AFG2A: variants seen among roughly 807,000 people sequenced by gnomAD.
AFG2A encodes AAA ATPase AFG2A.
the AFG2A span, among the ~76,000 whole-genome samples, chr4:123,093,600 C>G: frequency 5.3e-5 from 8 of 152,290 alleles, no homozygotes; most frequent in Non-Finnish European, 1.0e-4. Context: ...TTGTTGGTCT[C>G]CTACCTTATT....
the AFG2A span, among the ~76,000 whole-genome samples, chr4:122,963,901 C>T: frequency 6.6e-6 from 1 of 152,152 alleles, no homozygotes; most frequent in African/African-American, 2.4e-5. Flanking sequence ...CTCCCTGTCT[C>T]CAGTAAAAAC....
chr4:122,963,687 G>A, the AFG2A span, among the ~76,000 whole-genome samples: 2 of 152,186 alleles, frequency 1.3e-5, no homozygotes, highest in Non-Finnish European at 2.9e-5. Flanking sequence ...TGGGAGTGTG[G>A]AAGAGAGACA....
the AFG2A span, among the ~76,000 whole-genome samples, chr4:123,229,595 G>T: frequency 2.8e-3 from 431 of 152,068 alleles, 2 homozygotes; most frequent in Non-Finnish European, 4.7e-3. Context: ...AGTGGACAAA[G>T]CTACTTACAT....
the AFG2A span, chr4:122,928,983 T>C: frequency 3.2e-6 from 5 of 1,566,402 alleles, no homozygotes; most frequent in African/African-American, 5.5e-5. Flanking sequence ...ACCTTATAAA[T>C]TGATGGTATT....
At chr4:123,230,249 A>G in the AFG2A span, among the ~76,000 whole-genome samples, 14 of 151,974 alleles carry the variant, frequency 9.2e-5, no homozygotes, top group Admixed American at 2.0e-4. Flanking sequence ...ACTGGAGTCA[A>G]TTCTCTCTGC....
At chr4:122,962,018 G>C in the AFG2A span, among the ~76,000 whole-genome samples, 1 of 152,210 alleles carries the variant, frequency 6.6e-6, no homozygotes, top group Non-Finnish European at 1.5e-5. Flanking sequence ...GATGATATCC[G>C]GATGAAACTG....
the AFG2A span, among the ~76,000 whole-genome samples, chr4:123,287,422 T>C: frequency 2.0e-5 from 3 of 152,194 alleles, no homozygotes; most frequent in Non-Finnish European, 4.4e-5. Context: ...TTTTTAGTTC[T>C]TGATAAATGT....
At chr4:123,031,255 G>A in the AFG2A span, among the ~76,000 whole-genome samples, 308 of 152,206 alleles carry the variant, frequency 2.0e-3, 10 homozygotes, top group East Asian at 0.056. Flanking sequence ...AGGTTCAAGA[G>A]ATTCTTGTGC....
the AFG2A span, among the ~76,000 whole-genome samples, chr4:122,978,948 G>A: frequency 6.6e-6 from 1 of 152,204 alleles, no homozygotes; most frequent in Non-Finnish European, 1.5e-5. Flanking sequence ...GGTGCTTCCT[G>A]GGTTCTCGAG....
chr4:122,999,707 G>A, the AFG2A span, among the ~76,000 whole-genome samples: 2 of 152,140 alleles, frequency 1.3e-5, no homozygotes. Context: ...TTTGGTTACT[G>A]TAGCCTTGTA....
chr4:123,256,035 GAATTGATAGA>G, the AFG2A span: 1 of 1,614,088 alleles, frequency 6.2e-7, no homozygotes, highest in Non-Finnish European at 8.5e-7. Context: ...CGGCCTGGAA[GAATTGATAGA>G]ATCATCTATG....
At chr4:123,071,154 C>G in the AFG2A span, among the ~76,000 whole-genome samples, 1 of 152,126 alleles carries the variant, frequency 6.6e-6, no homozygotes, top group African/African-American at 2.4e-5. Context: ...TTGCTTTTGT[C>G]AGGTGGTAAA....
At chr4:122,998,749 G>A in the AFG2A span, among the ~76,000 whole-genome samples, 1 of 152,162 alleles carries the variant, frequency 6.6e-6, no homozygotes, top group African/African-American at 2.4e-5. Flanking sequence ...CTTTGCTATT[G>A]TGAATAGTGC....
At chr4:123,118,223 CTT>C in the AFG2A span, among the ~76,000 whole-genome samples, 6 of 139,298 alleles carry the variant, frequency 4.3e-5, no homozygotes, top group East Asian at 8.2e-4. Flanking sequence ...TTATTAGTCT[CTT>C]GTTTCTTCTT....
At chr4:122,945,312 C>A in the AFG2A span, among the ~76,000 whole-genome samples, 1 of 152,216 alleles carries the variant, frequency 6.6e-6, no homozygotes, top group African/African-American at 2.4e-5. Context: ...TTCCGGGCTG[C>A]GGCTGCTTTG....
chr4:123,245,949 C>G, the AFG2A span, among the ~76,000 whole-genome samples: 6 of 152,178 alleles, frequency 3.9e-5, no homozygotes, highest in Admixed American at 1.3e-4. Context: ...TGAAGCCTAG[C>G]TAAGCACTAA....
At chr4:122,979,404 C>T in the AFG2A span, 6 of 1,612,358 alleles carry the variant, frequency 3.7e-6, no homozygotes, top group Non-Finnish European at 8.5e-7. Flanking sequence ...ATTTATGTCC[C>T]ACACTAGCTA....
the AFG2A span, among the ~76,000 whole-genome samples, chr4:123,297,454 G>C: frequency 6.6e-6 from 1 of 152,132 alleles, no homozygotes; most frequent in Non-Finnish European, 1.5e-5. Context: ...GGGTGTGGTG[G>C]CTCATGCCTG....
At chr4:123,235,893 T>C in the AFG2A span, among the ~76,000 whole-genome samples, 2 of 152,240 alleles carry the variant, frequency 1.3e-5, no homozygotes, top group Admixed American at 1.3e-4. Context: ...TTAACTATTC[T>C]GCTTAGAAAA....
Sources: allele counts gnomAD v4.1 joint callset (sites outside exome capture counted in the v4.1 genomes callset), GRCh38; gene constraint gnomAD v4.1.1; transcripts MANE v1.5; gene names NCBI Gene and HGNC (gene_info 2026-07-23, HGNC 2026-07-21).